Variants in ARHGAP15 observed in about 807,000 individuals in gnomAD.
The protein encoded by ARHGAP15 is rho GTPase-activating protein 15.
ARHGAP15 carries 51 observed loss-of-function variants against 63.7 expected under a neutral mutation model. The observed-to-expected ratio is 0.80, with a 90% CI of 0.64 to 1.01. The LOEUF (loss-of-function observed/expected upper bound fraction) is 1.01. Ranked by LOEUF, ARHGAP15 falls within the 50% of genes least tolerant of loss-of-function variation. ARHGAP15 has a pLI of 0.00. For missense variants in ARHGAP15, 560 were observed against 564.6 expected (o/e 0.99, Z 0.08); for synonymous variants, 191 against 193.8 (o/e 0.99, Z 0.12).
intron 9 of ARHGAP15, among the ~76,000 whole-genome samples, chr2:143,503,436 C>T (rs1028954292): frequency 6.6e-6 from 1 of 152,192 alleles, no homozygotes; most frequent in African/African-American, 2.4e-5. Flanking sequence ...AGACTTGGCT[C>T]TGCTACTTAC....
intron 6 of ARHGAP15, among the ~76,000 whole-genome samples, chr2:143,277,285 C>T (rs560128358): frequency 2.0e-5 from 3 of 151,464 alleles, no homozygotes; most frequent in East Asian, 4.0e-4. Context: ...AGTTTCATTA[C>T]GTATCATTTG....
chr2:143,430,228 A>G (rs1312720851), intron 6 of ARHGAP15, among the ~76,000 whole-genome samples: 1 of 151,208 alleles, frequency 6.6e-6, no homozygotes, highest in Non-Finnish European at 1.5e-5. Context: ...ATCTAGCAAC[A>G]TTGGGAACAC....
intron 6 of ARHGAP15, among the ~76,000 whole-genome samples, chr2:143,343,589 C>T (rs1685151532): frequency 6.6e-6 from 1 of 152,024 alleles, no homozygotes; most frequent in African/African-American, 2.4e-5. Flanking sequence ...TGGATAGAAA[C>T]TCGATATTTG....
At chr2:143,359,768 CTTTTA>C (rs780107022) in intron 6 of ARHGAP15, among the ~76,000 whole-genome samples, 9 of 152,084 alleles carry the variant, frequency 5.9e-5, no homozygotes, top group Non-Finnish European at 1.2e-4. Context: ...TTGGTTTTAA[CTTTTA>C]TTTTAATTTA....
chr2:143,212,699 G>A (rs1274486494), intron 3 of ARHGAP15, among the ~76,000 whole-genome samples: 2 of 152,066 alleles, frequency 1.3e-5, no homozygotes, highest in Non-Finnish European at 2.9e-5. Flanking sequence ...CATTGAGTAG[G>A]AATAATTATT....
chr2:143,355,798 C>A (rs764701999), intron 6 of ARHGAP15, among the ~76,000 whole-genome samples: 4 of 152,070 alleles, frequency 2.6e-5, no homozygotes, highest in Middle Eastern at 3.2e-3. Context: ...AAAATTATAT[C>A]TGCACCTGAT....
chr2:143,303,625 T>G (rs1683022987), intron 6 of ARHGAP15, among the ~76,000 whole-genome samples: 1 of 151,810 alleles, frequency 6.6e-6, no homozygotes, highest in African/African-American at 2.4e-5. Flanking sequence ...TGAGATCTAA[T>G]TAAAGAGCTT....
intron 6 of ARHGAP15, among the ~76,000 whole-genome samples, chr2:143,261,648 G>A (rs541242149): frequency 2.0e-5 from 3 of 151,832 alleles, no homozygotes; most frequent in Non-Finnish European, 4.4e-5. Context: ...GTGCCTGGCC[G>A]ACCCTTTTCG....
chr2:143,573,987 G>A (rs555758699), intron 11 of ARHGAP15, among the ~76,000 whole-genome samples: 40 of 152,250 alleles, frequency 2.6e-4, no homozygotes, highest in African/African-American at 9.1e-4. Flanking sequence ...GTGACTATTT[G>A]TATTACTTTC....
intron 3 of ARHGAP15, among the ~76,000 whole-genome samples, chr2:143,212,972 C>T (rs1051341358): frequency 6.6e-6 from 1 of 152,234 alleles, no homozygotes. Flanking sequence ...GAATTTTCTA[C>T]CCAGGCTAAA....
chr2:143,373,652 A>C (rs13032015), intron 6 of ARHGAP15, among the ~76,000 whole-genome samples: 9 of 149,138 alleles, frequency 6.0e-5, no homozygotes, highest in African/African-American at 1.7e-4. Context: ...AAAAAAAAAA[A>C]AAAAAAAACA....
intron 6 of ARHGAP15, among the ~76,000 whole-genome samples, chr2:143,350,505 A>G (rs1685509239): frequency 6.6e-6 from 1 of 151,704 alleles, no homozygotes; most frequent in African/African-American, 2.4e-5. Flanking sequence ...TTTATCATTT[A>G]TTTTTCCAAT....
chr2:143,616,221 T>G (rs1698444853), intron 11 of ARHGAP15, among the ~76,000 whole-genome samples: 1 of 152,210 alleles, frequency 6.6e-6, no homozygotes, highest in South Asian at 2.1e-4. Context: ...TATGCCATTA[T>G]AAATTAAAAA....
At chr2:143,567,472 G>A (rs1334697522) in intron 11 of ARHGAP15, among the ~76,000 whole-genome samples, 4 of 152,166 alleles carry the variant, frequency 2.6e-5, no homozygotes, top group Admixed American at 6.5e-5. Context: ...TTTCTAGTCA[G>A]TCCAGTGAAA....
intron 6 of ARHGAP15, among the ~76,000 whole-genome samples, chr2:143,301,998 G>C (rs900278182): frequency 6.6e-6 from 1 of 151,860 alleles, no homozygotes; most frequent in Non-Finnish European, 1.5e-5. Flanking sequence ...TATAAAAAAA[G>C]TTAAGAACTT....
At chr2:143,475,872 C>T (rs577565275) in intron 8 of ARHGAP15, among the ~76,000 whole-genome samples, 1 of 152,256 alleles carries the variant, frequency 6.6e-6, no homozygotes, top group South Asian at 2.1e-4. Context: ...TTTCTTGACT[C>T]TCATTTGCCA....
intron 13 of ARHGAP15, among the ~76,000 whole-genome samples, chr2:143,714,351 A>T (rs1684715372): frequency 6.6e-6 from 1 of 152,200 alleles, no homozygotes; most frequent in South Asian, 2.1e-4. Flanking sequence ...CACACAGCAC[A>T]GGGACCCTGG....
intron 6 of ARHGAP15, among the ~76,000 whole-genome samples, chr2:143,377,885 T>TA (rs1279025784): frequency 6.6e-6 from 1 of 152,092 alleles, no homozygotes; most frequent in Admixed American, 6.6e-5. Flanking sequence ...ATATGTACTT[T>TA]ACATCTCTCT....
intron 6 of ARHGAP15, among the ~76,000 whole-genome samples, chr2:143,304,683 G>C (rs142615048): frequency 0.047 from 7,149 of 151,978 alleles, 470 homozygotes; most frequent in Admixed American, 0.2. Flanking sequence ...TGATTAAAAT[G>C]AATATCACTT....
Sources: allele counts gnomAD v4.1 joint callset (sites outside exome capture counted in the v4.1 genomes callset), GRCh38; gene constraint gnomAD v4.1.1; transcripts MANE v1.5; gene names NCBI Gene and HGNC (gene_info 2026-07-23, HGNC 2026-07-21).